The following RAF1 variants were observed in gnomAD, a reference collection of about 807,000 sequenced individuals.
RAF1 encodes the protein Raf-1 proto-oncogene, serine/threonine kinase.
Under a neutral mutation model 81.1 loss-of-function variants are expected in RAF1, and 27 were observed. The ratio of observed to expected loss-of-function variants is 0.33; its 90% CI spans 0.25 to 0.46. The LOEUF (loss-of-function observed/expected upper bound fraction) is 0.46. Among genes scored for constraint, RAF1 ranks in the 20% least tolerant of loss-of-function variants. The pLI, the probability that RAF1 is intolerant of heterozygous loss-of-function variation, is 1.00. For missense variants in RAF1, 598 were observed against 826.0 expected (o/e 0.72, Z 3.38); for synonymous variants, 298 against 294.0 (o/e 1.01, Z -0.14).
Position 12,584,368 on chromosome 3 carries a change from G to A in RAF1, c.*146C>T, listed in dbSNP as rs2058246663. 2 of 1,009,476 alleles carry A rather than the reference G, an allele frequency of 2.0e-6. No individual in the cohort carries two copies. Among genetic ancestry groups the A allele is most frequent in the South Asian group, 1.4e-5 (1 of 69,258 alleles). The allele number at this position is 1,009,476 out of a possible 1,614,324, so 62.5% of individuals were successfully genotyped here. On this transcript the variant is annotated 3_prime_UTR_variant, in exon 18 of 18. Transcript: ENST00000442415. ...GGGATAGAAAAGAAGGCAACATGAAGTTAAGGCCCTGTGAGCAGTCTAGAA... is the reference window on the plus strand; with the variant it reads ...GGGATAGAAAAGAAGGCAACATGAAATTAAGGCCCTGTGAGCAGTCTAGAA...
chr3:12,623,797 CAAAAAAAAAAAA>C (rs71063844), intron 1 of RAF1, among the ~76,000 whole-genome samples: 2 of 121,694 alleles, frequency 1.6e-5, no homozygotes, highest in African/African-American at 3.5e-5. Flanking sequence ...GACTCTGTCT[CAAAAAAAAAAAA>C]AAAAAAAAAA....
chr3:12,643,745 A>AT (rs1445386751), intron 1 of RAF1, among the ~76,000 whole-genome samples: 2 of 151,230 alleles, frequency 1.3e-5, no homozygotes, highest in East Asian at 1.9e-4. Flanking sequence ...TCAAAAAAAA[A>AT]AAAATAAAAA....
intron 3 of RAF1, among the ~76,000 whole-genome samples, chr3:12,610,226 A>G (rs1039522508): frequency 6.6e-6 from 1 of 152,346 alleles, no homozygotes; most frequent in East Asian, 1.9e-4. Flanking sequence ...AATAACATGT[A>G]TAGCACCATT....
chr3:12,604,756 A>T (rs6777175), intron 6 of RAF1, among the ~76,000 whole-genome samples: 35,412 of 152,114 alleles, frequency 0.23, 4,719 homozygotes, highest in African/African-American at 0.36. Context: ...GTTTGTCCTT[A>T]CCTGCTACAA....
intron 1 of RAF1, among the ~76,000 whole-genome samples, chr3:12,655,008 C>CT (rs1553624759): frequency 1.3e-5 from 2 of 149,288 alleles, no homozygotes; most frequent in African/African-American, 4.9e-5. Flanking sequence ...AGACCCCCCC[C>CT]CCGCCATCTC....
intron 1 of RAF1, among the ~76,000 whole-genome samples, chr3:12,643,924 A>T (rs1481517165): frequency 6.6e-6 from 1 of 152,126 alleles, no homozygotes; most frequent in African/African-American, 2.4e-5. Context: ...CAGCCTTCTC[A>T]CCCTGTGGTC....
chr3:12,616,042 C>A lies in RAF1; in HGVS notation c.207+2473G>T, dbSNP rs2059358930. Among the ~76,000 whole-genome samples the A allele has an allele frequency of 2.0e-5, 3 of 151,696 alleles. No individual in the cohort carries two copies. In the South Asian group the frequency reaches 6.3e-4, roughly 32 times the overall value. On this transcript the variant is annotated intron_variant, in intron 2 of 17. Transcript: ENST00000442415. ...ACTCCAGCCTGGGTGACAGTGAGAG[C>A]CTCCATCTAAAAAAAATACATATAA...
chr3:12,636,239 C>A lies in RAF1; in HGVS notation c.-26-17492G>T, dbSNP rs1204940713. ...AGGCAGAGGTTGCAGTGAGCTGAGACTGCGACACTGCACTCCAGCCTGGGT... is the reference window on the plus strand; with the variant it reads ...AGGCAGAGGTTGCAGTGAGCTGAGAATGCGACACTGCACTCCAGCCTGGGT... On this transcript the variant is annotated intron_variant, in intron 1 of 17. Transcript: ENST00000442415. Among the ~76,000 whole-genome samples the A allele has an allele frequency of 2.0e-5, 3 of 149,606 alleles. No individual in the cohort carries two copies. The East Asian group carries it at 6.0e-4, about 30-fold the overall frequency.
intron 2 of RAF1, among the ~76,000 whole-genome samples, chr3:12,613,367 T>C (rs1406221308): frequency 6.6e-6 from 1 of 152,026 alleles, no homozygotes. Context: ...CCTCCTCTGA[T>C]TGAAAGTGCT....
intron 5 of RAF1, among the ~76,000 whole-genome samples, chr3:12,608,253 T>C (rs913840232): frequency 6.6e-6 from 1 of 152,212 alleles, no homozygotes; most frequent in Non-Finnish European, 1.5e-5. Context: ...TGAAATATAT[T>C]GTCTCCTGAA....
intron 3 of RAF1, 115 bp from the exon 4 acceptor site, chr3:12,609,450 C>A (rs111759202): frequency 1.4e-6 from 1 of 715,312 alleles, no homozygotes. Context: ...TTAATCCATA[C>A]AACAATAATT....
chr3:12,608,696 C>A (rs1001030549), intron 5 of RAF1, 70 bp downstream of exon 5: 3 of 1,537,976 alleles, frequency 2.0e-6, no homozygotes, highest in Non-Finnish European at 2.7e-6. Flanking sequence ...TCAAAATCTA[C>A]AACAAATACC....
intron 15 of RAF1, 105 bp downstream of exon 14, chr3:12,585,576 G>A (rs1046063795): frequency 3.0e-6 from 4 of 1,353,622 alleles, no homozygotes; most frequent in Non-Finnish European, 3.1e-6. Context: ...GGGGTCATGT[G>A]GATTTCGGGG....
chr3:12,648,286 TAAA>T (rs34585793), intron 1 of RAF1, among the ~76,000 whole-genome samples: 103 of 124,166 alleles, frequency 8.3e-4, no homozygotes, highest in Non-Finnish European at 9.4e-4. Context: ...ACAGCGAAGT[TAAA>T]AAAAAAAAAA....
intron 6 of RAF1, 132 bp from the exon 7 acceptor site, chr3:12,604,421 A>G: frequency 1.0e-6 from 1 of 970,872 alleles, no homozygotes; most frequent in African/African-American, 1.6e-5. Flanking sequence ...AAAATGTTTG[A>G]TTCTTTCAAA....
chr3:12,596,179 A>G (rs1271357192), intron 11 of RAF1, among the ~76,000 whole-genome samples: 2 of 137,368 alleles, frequency 1.5e-5, no homozygotes, highest in African/African-American at 5.5e-5. Flanking sequence ...TGGCCTATAG[A>G]AAGAATTTTT....
At chr3:12,658,406 C>A (rs1006482532) in intron 1 of RAF1, among the ~76,000 whole-genome samples, 1 of 152,108 alleles carries the variant, frequency 6.6e-6, no homozygotes, top group African/African-American at 2.4e-5. Flanking sequence ...AGTTCAAGAC[C>A]AGCATGACCA....
chr3:12,586,131 C>T (rs770797877), intron 14 of RAF1, among the ~76,000 whole-genome samples: 1 of 152,178 alleles, frequency 6.6e-6, no homozygotes, highest in Non-Finnish European at 1.5e-5. Flanking sequence ...TACTTGAAAC[C>T]CTAACAGGAT....
At chr3:12,591,922 C>T in intron 11 of RAF1, 130 bp from the exon 11 acceptor site, 1 of 765,924 alleles carries the variant, frequency 1.3e-6, no homozygotes, top group East Asian at 2.7e-5. Context: ...CGGCAAATTT[C>T]CAATTTTTTT....
Sources: allele counts gnomAD v4.1 joint callset (sites outside exome capture counted in the v4.1 genomes callset), GRCh38; gene constraint gnomAD v4.1.1; transcripts MANE v1.5; gene names NCBI Gene and HGNC (gene_info 2026-07-23, HGNC 2026-07-21).